DACH2: variants seen among roughly 807,000 people sequenced by gnomAD.
DACH2 encodes dachshund family transcription factor 2.
A neutral mutation model predicts 35.8 loss-of-function variants in DACH2; 17 were observed. The ratio of observed to expected loss-of-function variants is 0.48; its 90% CI spans 0.33 to 0.71. The LOEUF (loss-of-function observed/expected upper bound fraction) is 0.71. Ranked by LOEUF, DACH2 falls within the 30% of genes least tolerant of loss-of-function variation. The pLI is 0.02. For synonymous variants in DACH2, 195 were observed against 177.3 expected, an observed-to-expected ratio of 1.10 and a Z score of -0.79; for missense variants, 469 against 472.7, an observed-to-expected ratio of 0.99 and a Z score of 0.07.
chrX:86,294,378 C>T (rs1359515694), intron 1 of DACH2, among the ~76,000 whole-genome samples: 11 of 109,559 alleles, frequency 1.0e-4, no homozygotes, highest in Non-Finnish European at 1.5e-4. Flanking sequence ...AATGTCCTCC[C>T]GTAGCTCAGA....
intron 1 of DACH2, among the ~76,000 whole-genome samples, chrX:86,347,558 C>A (rs750141294): frequency 8.9e-6 from 1 of 112,833 alleles, no homozygotes; most frequent in Non-Finnish European, 1.9e-5. Context: ...TTCAACCAGA[C>A]AATGAAAACA....
chrX:86,203,389 A>G (rs1011566443), intron 1 of DACH2, among the ~76,000 whole-genome samples: 10 of 111,939 alleles, frequency 8.9e-5, no homozygotes, highest in Non-Finnish European at 1.7e-4. Context: ...TGCTTAAAAA[A>G]GTGAAATCAC....
chrX:86,662,923 T>A (rs1364044676), intron 4 of DACH2, among the ~76,000 whole-genome samples: 1 of 111,658 alleles, frequency 9.0e-6, no homozygotes, highest in Non-Finnish European at 1.9e-5. Flanking sequence ...ATATATAGTC[T>A]TTATCTGTAT....
intron 7 of DACH2, among the ~76,000 whole-genome samples, chrX:86,769,729 T>A (rs2041969610): frequency 9.0e-6 from 1 of 111,720 alleles, no homozygotes; most frequent in African/African-American, 3.3e-5. Context: ...CTTCGCAATG[T>A]CAGAGTAGGT....
intron 2 of DACH2, among the ~76,000 whole-genome samples, chrX:86,445,197 T>C (rs1421119870): frequency 1.8e-5 from 2 of 109,930 alleles, no homozygotes; most frequent in Non-Finnish European, 3.8e-5. Flanking sequence ...TAGGATTTGG[T>C]ATGCTGTTTC....
chrX:86,322,927 T>C (rs1490050085), intron 1 of DACH2, among the ~76,000 whole-genome samples: 1 of 45,465 alleles, frequency 2.2e-5, no homozygotes, highest in Non-Finnish European at 3.6e-5. Context: ...AATTTGTCTT[T>C]AGAGGACATT....
At position 86,785,823 on chromosome X, in the gene DACH2, A is replaced by G. The variant is rs2042131508; in HGVS notation, c.1241-27033A>G. On this transcript the variant is annotated intron_variant, in intron 7 of 11. Transcript: ENST00000373125. ...GCTTCCTATATGCTACATATATGCC[A>G]TGTATGTTTCATTTTTGCTTCCCCC... Among the ~76,000 whole-genome samples the G allele has an allele frequency of 2.7e-5, 3 of 111,708 alleles. No individual in the cohort carries two copies. The South Asian group carries it at 1.1e-3, about 42-fold the overall frequency.
intron 3 of DACH2, among the ~76,000 whole-genome samples, chrX:86,566,940 G>A (rs1214664942): frequency 8.9e-6 from 1 of 111,982 alleles, no homozygotes; most frequent in African/African-American, 3.2e-5. Context: ...TTCTACTTAA[G>A]TGCTCCTTCC....
chrX:86,451,075 G>C (rs781229230), intron 2 of DACH2, among the ~76,000 whole-genome samples: 1 of 111,526 alleles, frequency 9.0e-6, no homozygotes, highest in Non-Finnish European at 1.9e-5. Context: ...AGTTTAATTA[G>C]ATCCAATTTG....
intron 1 of DACH2, among the ~76,000 whole-genome samples, chrX:86,321,498 C>T (rs1282494380): frequency 8.9e-6 from 1 of 111,812 alleles, no homozygotes; most frequent in Non-Finnish European, 1.9e-5. Flanking sequence ...TGGTCCTAGT[C>T]CTTTGGCCCT....
At chrX:86,636,370 C>T (rs895309366) in intron 3 of DACH2, among the ~76,000 whole-genome samples, 3 of 109,746 alleles carry the variant, frequency 2.7e-5, no homozygotes, top group Non-Finnish European at 5.7e-5. Flanking sequence ...ATCACTTGAA[C>T]GCGGGAGGCA....
intron 1 of DACH2, among the ~76,000 whole-genome samples, chrX:86,157,910 G>A (rs2030605885): frequency 9.0e-6 from 1 of 111,248 alleles, no homozygotes; most frequent in African/African-American, 3.3e-5. Context: ...GAAAACATAT[G>A]TAATTATCAT....
At chrX:86,231,952 C>T (rs1182722406) in intron 1 of DACH2, among the ~76,000 whole-genome samples, 2 of 111,357 alleles carry the variant, frequency 1.8e-5, no homozygotes, top group African/African-American at 6.5e-5. Context: ...CTCAGCTTGG[C>T]TCTCTAACTT....
chrX:86,689,070 C>G (rs2040980562), intron 4 of DACH2, among the ~76,000 whole-genome samples: 3 of 111,676 alleles, frequency 2.7e-5, no homozygotes, highest in African/African-American at 6.5e-5. Flanking sequence ...AGACCATCAC[C>G]CTGTGGTGTG....
chrX:86,445,987 C>T (rs2037266354), intron 2 of DACH2, among the ~76,000 whole-genome samples: 1 of 111,480 alleles, frequency 9.0e-6, no homozygotes, highest in African/African-American at 3.3e-5. Context: ...CAGTCAATCT[C>T]TCCCTTAAGA....
chrX:86,291,262 G>C (rs2034284832), intron 1 of DACH2, among the ~76,000 whole-genome samples: 1 of 105,536 alleles, frequency 9.5e-6, no homozygotes, highest in Non-Finnish European at 1.9e-5. Flanking sequence ...TGTGATTTTT[G>C]TACATTGATT....
chrX:86,425,251 C>T (rs138707219), intron 2 of DACH2, among the ~76,000 whole-genome samples: 7,602 of 109,764 alleles, frequency 0.069, 677 homozygotes, highest in African/African-American at 0.24. Context: ...TGAATGGTAT[C>T]GGTATTAGTT....
intron 3 of DACH2, among the ~76,000 whole-genome samples, chrX:86,574,486 G>A (rs2039411639): frequency 9.0e-6 from 1 of 111,051 alleles, no homozygotes; most frequent in Admixed American, 9.7e-5. Flanking sequence ...ATTAAGAAAT[G>A]CATGTGCCTA....
In DACH2 at chrX:86,238,067, T is replaced by C. The variant is rs748996076; in HGVS notation, c.488+88959T>C. Among the ~76,000 whole-genome samples, 5 of 112,436 alleles carry C rather than the reference T, an allele frequency of 4.4e-5. No individual in the cohort carries two copies. In the East Asian group the frequency reaches 8.4e-4, roughly 19 times the overall value. ...TGCCATTCAGCAGGTCCCAAGTTCT[T>C]GTCCCATGCCGAGTTATATTTTATT... On this transcript the variant is annotated intron_variant, in intron 1 of 11. Coordinates refer to ENST00000373125, the MANE Select transcript of DACH2 (RefSeq NM_053281.3).
Sources: allele counts gnomAD v4.1 joint callset (sites outside exome capture counted in the v4.1 genomes callset), GRCh38; gene constraint gnomAD v4.1.1; transcripts MANE v1.5; gene names NCBI Gene and HGNC (gene_info 2026-07-23, HGNC 2026-07-21).